Variants in PARP15 observed in about 807,000 individuals in gnomAD.
The protein encoded by PARP15 is protein mono-ADP-ribosyltransferase PARP15.
Under a neutral mutation model 62.1 loss-of-function variants are expected in PARP15, and 50 were observed. The observed-to-expected ratio is 0.81, with a 90% CI of 0.64 to 1.02. The LOEUF (loss-of-function observed/expected upper bound fraction) is 1.02, where lower values mean the gene tolerates loss of function less well. Among genes scored for constraint, PARP15 ranks in the 50% least tolerant of loss-of-function variants. The pLI is 0.00. For synonymous variants in PARP15, 309 were observed against 293.1 expected (o/e 1.05, Z -0.55); for missense variants, 820 against 826.5 (o/e 0.99, Z 0.10).
chr3:122,591,782 G>A (rs867814000), intron 1 of PARP15, among the ~76,000 whole-genome samples: 11 of 70,114 alleles, frequency 1.6e-4, no homozygotes, highest in African/African-American at 2.8e-4. Flanking sequence ...AAAAAAAAAA[G>A]GTATTGATAA....
chr3:122,615,961 A>T, intron 5 of PARP15, 104 bp downstream of exon 5: 2 of 1,137,090 alleles, frequency 1.8e-6, no homozygotes, highest in Non-Finnish European at 1.3e-6. Flanking sequence ...TCACATGAAG[A>T]ACAAATCTGT....
chr3:122,615,531 AG>A, intron 4 of PARP15: 19 of 1,124,808 alleles, frequency 1.7e-5, no homozygotes, highest in Non-Finnish European at 2.3e-5. Flanking sequence ...AGCCACAGTC[AG>A]CACCCCTGCT....
intron 8 of PARP15, among the ~76,000 whole-genome samples, chr3:122,623,566 C>G (rs1160133541): frequency 6.6e-6 from 1 of 152,144 alleles, no homozygotes; most frequent in Non-Finnish European, 1.5e-5. Context: ...GCAAAAGAAC[C>G]AACCAATAAT....
chr3:122,588,682 G>T (rs1411991748), intron 1 of PARP15, among the ~76,000 whole-genome samples: 1 of 151,982 alleles, frequency 6.6e-6, no homozygotes, highest in Non-Finnish European at 1.5e-5. Flanking sequence ...ATAAAACAAA[G>T]AAATTTTCAT....
intron 1 of PARP15, among the ~76,000 whole-genome samples, chr3:122,593,548 C>T (rs1934113657): frequency 6.6e-6 from 1 of 152,022 alleles, no homozygotes; most frequent in Non-Finnish European, 1.5e-5. Context: ...CAAAAATAAT[C>T]CTATTAATAA....
chr3:122,597,925 C>A (rs1934486127), intron 1 of PARP15, among the ~76,000 whole-genome samples: 1 of 152,104 alleles, frequency 6.6e-6, no homozygotes, highest in Admixed American at 6.5e-5. Flanking sequence ...CTTTATAATA[C>A]CTAATGCAGT....
At position 122,635,933 on chromosome 3, in the gene PARP15, G is replaced by A; in HGVS notation, c.1870G>A (p.Val624Ile). 6.2e-7 allele frequency: 1 copy of A among 1,614,116 alleles called. No homozygotes were observed. The highest frequency in any genetic ancestry group is 2.2e-5 in the East Asian group (1 of 44,874). ...GTACGTTGTGCGAGTACTTACTGGAGTCTTCACAAAGGGACGTGCAGGATT... is the reference window on the plus strand; with the variant it reads ...GTACGTTGTGCGAGTACTTACTGGAATCTTCACAAAGGGACGTGCAGGATT... Reference protein sequence around the residue: ...HMYVVRVLTGVFTKGRAGLVT... With the variant: ...HMYVVRVLTGIFTKGRAGLVT... The change falls in exon 12 of 12, where the codon GTC becomes ATC. Residue 624 changes from valine (V) to isoleucine (I), a missense_variant. Coordinates refer to ENST00000464300, the MANE Select transcript of PARP15 (RefSeq NM_001113523.3).
chr3:122,599,142 C>A (rs1203664512), intron 1 of PARP15, among the ~76,000 whole-genome samples: 1 of 152,190 alleles, frequency 6.6e-6, no homozygotes, highest in African/African-American at 2.4e-5. Flanking sequence ...GGTGATCCAC[C>A]CGCTTCAGCC....
At chr3:122,627,088 A>C in intron 9 of PARP15, 55 bp downstream of exon 9, 2 of 1,426,726 alleles carry the variant, frequency 1.4e-6, no homozygotes, top group Non-Finnish European at 1.9e-6. Flanking sequence ...TCACTTAGAA[A>C]ATGTTTAAGT....
At chr3:122,593,090 G>GTCTATCTATCTATCTATCTA (rs3052715) in intron 1 of PARP15, among the ~76,000 whole-genome samples, 11,503 of 147,752 alleles carry the variant, frequency 0.078, 552 homozygotes, top group Middle Eastern at 0.12. Flanking sequence ...AAAATTATCT[G>GTCTATCTATCTATCTATCTA]TCTATCTATC....
At chr3:122,579,209 AAAG>A (rs1203126538) in intron 1 of PARP15, among the ~76,000 whole-genome samples, 6 of 152,322 alleles carry the variant, frequency 3.9e-5, no homozygotes, top group East Asian at 1.9e-4. Flanking sequence ...TTGTGTCTTT[AAAG>A]AAGGTTTATA....
At chr3:122,620,559 G>A (rs1441544710) in intron 7 of PARP15, among the ~76,000 whole-genome samples, 1 of 152,168 alleles carries the variant, frequency 6.6e-6, no homozygotes, top group African/African-American at 2.4e-5. Flanking sequence ...AAATTTCTCT[G>A]GAGTGAATAC....
rs375070921 is a variant in PARP15, at chr3:122,584,927, C to T, written c.186+7074C>T. 4.7e-4 allele frequency among the ~76,000 whole-genome samples: 71 copies of T among 152,214 alleles called. 3 individuals are homozygous for T. In the South Asian group the frequency reaches 0.014, roughly 31 times the overall value. The stretch of plus-strand genomic sequence containing the variant: ...GTTAGGAATCGGTGTTAAATTTGGT[C>T]TAAGTTTTTTCAGTATTTTTGGAAA... On this transcript the variant is annotated intron_variant, in intron 1 of 11. Transcript: ENST00000464300.
In PARP15 at chr3:122,635,114, T is replaced by C. The variant is rs776040061; in HGVS notation, c.1667T>C (p.Leu556Pro). ...AATGACCATAAGAATAATGAGAGAC[T>C]CCTCTTCCATGGGACAGATGCAGAC... The part of the protein sequence containing the change: ...IKNDHKNNER[L>P]LFHGTDADSV... The change falls in exon 11 of 12, where the codon CTC becomes CCC. Residue 556 changes from leucine to proline, a missense_variant. By Grantham distance (98) the Leu-to-Pro change is moderately conservative. Coordinates refer to ENST00000464300, the MANE Select transcript of PARP15 (RefSeq NM_001113523.3). The C allele has an allele frequency of 4.3e-6, 7 of 1,614,062 alleles. No homozygotes were observed. The highest frequency in any genetic ancestry group is 5.1e-6 in the Non-Finnish European group (6 of 1,179,946).
At chr3:122,623,456 G>A (rs60554757) in intron 8 of PARP15, among the ~76,000 whole-genome samples, 9,681 of 152,260 alleles carry the variant, frequency 0.064, 955 homozygotes, top group African/African-American at 0.21. Context: ...GGTGGAATGA[G>A]CCTGTCAAGG....
chr3:122,616,403 C>T lies in PARP15; in HGVS notation c.850+546C>T, dbSNP rs186469886. On this transcript the variant is annotated intron_variant, in intron 5 of 11. Transcript: ENST00000464300. Reference sequence around the variant, plus strand: ...GGAGTGCAGTGGCGTGATCTTGGCTCACTACAAACCCCGCCTCCTGGGTTC... The same window carrying T: ...GGAGTGCAGTGGCGTGATCTTGGCTTACTACAAACCCCGCCTCCTGGGTTC... Among the ~76,000 whole-genome samples the T allele has an allele frequency of 8.1e-5, 12 of 148,166 alleles. No individual in the cohort carries two copies. The East Asian group carries it at 2.4e-3, about 30-fold the overall frequency.
chr3:122,584,751 C>T (rs1270598822), intron 1 of PARP15, among the ~76,000 whole-genome samples: 2 of 151,710 alleles, frequency 1.3e-5, no homozygotes, highest in African/African-American at 4.8e-5. Context: ...CTAATTTTTG[C>T]ATTTTTAGTG....
At chr3:122,620,234 C>T (rs747132623) in intron 7 of PARP15, among the ~76,000 whole-genome samples, 1 of 152,160 alleles carries the variant, frequency 6.6e-6, no homozygotes, top group Non-Finnish European at 1.5e-5. Context: ...TCAGAAGGAA[C>T]AATTAATGTG....
chr3:122,631,123 C>A (rs916802877), intron 9 of PARP15, among the ~76,000 whole-genome samples: 4 of 152,180 alleles, frequency 2.6e-5, no homozygotes, highest in African/African-American at 9.6e-5. Context: ...TCCAAAAGGA[C>A]TGTAAGGCCT....
Sources: gnomAD v4.1 joint callset for allele counts (sites outside exome capture counted in the v4.1 genomes callset) on GRCh38, gnomAD v4.1.1 for gene constraint, MANE v1.5 for transcripts, NCBI Gene and HGNC (gene_info 2026-07-23, HGNC 2026-07-21) for gene names.